The following IL1RAPL1 variants were observed in gnomAD, a reference collection of about 807,000 sequenced individuals.
IL1RAPL1 encodes the protein interleukin 1 receptor accessory protein like 1.
Under a neutral mutation model 48.4 loss-of-function variants are expected in IL1RAPL1, and 3 were observed. The ratio of observed to expected loss-of-function variants is 0.06; its 90% CI spans 0.03 to 0.16. The LOEUF (loss-of-function observed/expected upper bound fraction) is 0.16, where lower values mean the gene tolerates loss of function less well. Ranked by LOEUF, IL1RAPL1 falls within the 10% of genes least tolerant of loss-of-function variation. The pLI, the probability that IL1RAPL1 is intolerant of heterozygous loss-of-function variation, is 1.00. For missense variants in IL1RAPL1, 349 were observed against 530.6 expected (o/e 0.66, Z 3.36); for synonymous variants, 185 against 187.7 (o/e 0.99, Z 0.12).
chrX:29,158,405 C>T (rs780694477), intron 2 of IL1RAPL1, among the ~76,000 whole-genome samples: 2 of 111,128 alleles, frequency 1.8e-5, no homozygotes, highest in East Asian at 2.8e-4. Flanking sequence ...GGCAGAGTCT[C>T]GCTCTATCCC....
At chrX:29,170,802 A>G (rs951115177) in intron 2 of IL1RAPL1, among the ~76,000 whole-genome samples, 1 of 111,744 alleles carries the variant, frequency 8.9e-6, no homozygotes, top group African/African-American at 3.2e-5. Context: ...TTGAACTCCG[A>G]TAACTTCAGC....
intron 2 of IL1RAPL1, among the ~76,000 whole-genome samples, chrX:28,994,410 G>A (rs371375400): frequency 3.6e-5 from 4 of 111,367 alleles, no homozygotes; most frequent in African/African-American, 9.8e-5. Context: ...GCCATTTATC[G>A]AAATGGAGAA....
chrX:29,389,483 A>G (rs770288152), intron 3 of IL1RAPL1, among the ~76,000 whole-genome samples: 36 of 110,968 alleles, frequency 3.2e-4, no homozygotes, highest in Non-Finnish European at 5.8e-4. Context: ...CCTCAGTGAC[A>G]TGGTTTTTAC....
chrX:29,482,390 T>C (rs1163430145), intron 5 of IL1RAPL1, among the ~76,000 whole-genome samples: 5 of 112,095 alleles, frequency 4.5e-5, no homozygotes, highest in Non-Finnish European at 9.4e-5. Context: ...GGTATGATAC[T>C]GGTGTTTACT....
At chrX:29,045,032 G>A (rs1287343761) in intron 2 of IL1RAPL1, among the ~76,000 whole-genome samples, 1 of 110,985 alleles carries the variant, frequency 9.0e-6, no homozygotes, top group Non-Finnish European at 1.9e-5. Flanking sequence ...CCCTCTAGAG[G>A]CAGCTCAATA....
chrX:28,896,672 G>A (rs932378603), intron 2 of IL1RAPL1, among the ~76,000 whole-genome samples: 15 of 110,505 alleles, frequency 1.4e-4, no homozygotes, highest in African/African-American at 2.0e-4. Context: ...TCGGCCTGGC[G>A]AGGAGCAGCC....
At chrX:29,905,840 GATGTGAT>G (rs1277749814) in intron 6 of IL1RAPL1, among the ~76,000 whole-genome samples, 1 of 111,313 alleles carries the variant, frequency 9.0e-6, no homozygotes, top group East Asian at 2.8e-4. Flanking sequence ...ATTTTTTGCT[GATGTGAT>G]ATGAGGGGAC....
chrX:29,660,314 C>T (rs1035411711), intron 5 of IL1RAPL1, among the ~76,000 whole-genome samples: 4 of 111,935 alleles, frequency 3.6e-5, no homozygotes, highest in Non-Finnish European at 7.5e-5. Flanking sequence ...TAACTGTTTC[C>T]TTTGCTGTGC....
intron 5 of IL1RAPL1, among the ~76,000 whole-genome samples, chrX:29,575,619 C>T (rs1450730408): frequency 8.9e-6 from 1 of 111,989 alleles, no homozygotes; most frequent in Non-Finnish European, 1.9e-5. Flanking sequence ...ACTAAAATGT[C>T]AATCTCCTCT....
chrX:29,497,898 A>T (rs747843399), intron 5 of IL1RAPL1, among the ~76,000 whole-genome samples: 1 of 111,965 alleles, frequency 8.9e-6, no homozygotes, highest in South Asian at 3.7e-4. Context: ...AATAGAGCTA[A>T]CACCAATCCA....
intron 2 of IL1RAPL1, chrX:28,942,269 C>T (rs1924181645): frequency 9.2e-6 from 1 of 108,542 alleles, no homozygotes; most frequent in African/African-American, 3.3e-5. Context: ...CTTCTTTACT[C>T]CTGAATCTTG....
At chrX:29,722,659 T>C (rs1009508766) in intron 6 of IL1RAPL1, among the ~76,000 whole-genome samples, 14 of 111,921 alleles carry the variant, frequency 1.3e-4, no homozygotes, top group African/African-American at 4.5e-4. Flanking sequence ...GACCATTCTT[T>C]TCGTGATTAT....
chrX:28,684,550 C>T (rs1935092421), intron 1 of IL1RAPL1, among the ~76,000 whole-genome samples: 1 of 112,017 alleles, frequency 8.9e-6, no homozygotes, highest in Non-Finnish European at 1.9e-5. Context: ...AATTCCTATA[C>T]TTTCTTGCCT....
In IL1RAPL1 at chrX:28,861,132, T is replaced by G. The variant is rs374119480; in HGVS notation, c.82+71707T>G. 5.4e-5 allele frequency among the ~76,000 whole-genome samples: 6 copies of G among 111,558 alleles called. No homozygotes were observed. The South Asian group carries it at 2.3e-3, about 42-fold the overall frequency. The stretch of plus-strand genomic sequence containing the variant: ...ACCCACCCTATTTTAATAGCAGCAT[T>G]AATACTTTTCCTTAAGAAAACAAGA... On this transcript the variant is annotated intron_variant, in intron 2 of 10. Coordinates refer to ENST00000378993, the MANE Select transcript of IL1RAPL1 (RefSeq NM_014271.4).
At chrX:28,734,981 A>G (rs1935804130) in intron 1 of IL1RAPL1, among the ~76,000 whole-genome samples, 1 of 111,933 alleles carries the variant, frequency 8.9e-6, no homozygotes, top group African/African-American at 3.2e-5. Context: ...GGCAAGCTCA[A>G]CGTGAAAATT....
At chrX:29,862,126 G>A (rs1601856033) in intron 6 of IL1RAPL1, among the ~76,000 whole-genome samples, 1 of 106,853 alleles carries the variant, frequency 9.4e-6, no homozygotes, top group African/African-American at 3.5e-5. Flanking sequence ...ACCAACTGCA[G>A]TCCAGCCTGG....
intron 2 of IL1RAPL1, among the ~76,000 whole-genome samples, chrX:29,008,306 C>T (rs1926035598): frequency 9.0e-6 from 1 of 111,131 alleles, no homozygotes; most frequent in East Asian, 2.9e-4. Context: ...AGTAGGGTAG[C>T]TGGGACTACA....
intron 5 of IL1RAPL1, among the ~76,000 whole-genome samples, chrX:29,562,847 A>G (rs1922282500): frequency 8.9e-6 from 1 of 111,946 alleles, no homozygotes; most frequent in Non-Finnish European, 1.9e-5. Context: ...GGCTTTCATT[A>G]TTAGGAGTGG....
intron 2 of IL1RAPL1, among the ~76,000 whole-genome samples, chrX:28,996,845 T>C (rs1602002285): frequency 9.0e-6 from 1 of 111,355 alleles, no homozygotes; most frequent in Non-Finnish European, 1.9e-5. Context: ...TCTGAGCATC[T>C]TTTTGTGTGA....
Sources: allele counts gnomAD v4.1 joint callset (sites outside exome capture counted in the v4.1 genomes callset), GRCh38; gene constraint gnomAD v4.1.1; transcripts MANE v1.5; gene names NCBI Gene and HGNC (gene_info 2026-07-23, HGNC 2026-07-21).